Variants in SP100 observed in about 807,000 individuals in gnomAD.
SP100 encodes nuclear autoantigen Sp-100.
A neutral mutation model predicts 130.0 loss-of-function variants in SP100; 84 were observed. The ratio of observed to expected loss-of-function variants is 0.65; its 90% CI spans 0.54 to 0.77. The LOEUF (loss-of-function observed/expected upper bound fraction) is 0.77. Ranked by LOEUF, SP100 falls within the 30% of genes least tolerant of loss-of-function variation. SP100 has a pLI of 0.00. For missense variants in SP100, 978 were observed against 1,052.2 expected (o/e 0.93, Z 0.97); for synonymous variants, 331 against 351.7 (o/e 0.94, Z 0.66).
In SP100 at chr2:230,468,817, C is replaced by CAAAA. The variant is rs10617635; in HGVS notation, c.1292-205_1292-202dup. 7.1e-3 allele frequency: 1,066 copies of CAAAA among 149,348 alleles called. 18 individuals carry two copies. Among genetic ancestry groups the CAAAA allele is most frequent in the South Asian group, 0.015 (111 of 7,556 alleles). The allele number at this position is 149,348 out of a possible 1,614,324, so 9.3% of individuals were successfully genotyped here. A position where few individuals can be genotyped will look rare whatever the true frequency, so the allele number is the denominator to read the frequency against. ...TGGCTGACAGAGTGAGACCCTGTCT[C>CAAAA]AAAAAAAAAAAAAAAAAAAAAAAAG... On this transcript the variant is annotated intron_variant, in intron 13 of 28. Transcript: ENST00000340126.
At chr2:230,482,883 C>G (rs943090386) in intron 17 of SP100, among the ~76,000 whole-genome samples, 100 of 152,196 alleles carry the variant, frequency 6.6e-4, no homozygotes, top group African/African-American at 2.4e-3. Context: ...GCCATTTTAT[C>G]ATTCTTATAA....
At chr2:230,422,794 T>A (rs2062807756) in intron 2 of SP100, among the ~76,000 whole-genome samples, 1 of 152,202 alleles carries the variant, frequency 6.6e-6, no homozygotes, top group Non-Finnish European at 1.5e-5. Context: ...ATGTGACCTT[T>A]CCTGGAATCC....
chr2:230,436,721 A>C (rs2063279352), intron 2 of SP100, among the ~76,000 whole-genome samples: 1 of 152,136 alleles, frequency 6.6e-6, no homozygotes, highest in African/African-American at 2.4e-5. Context: ...TCTAGTTCTT[A>C]TGAATTTTAT....
At chr2:230,504,875 T>A (rs1049169883) in intron 21 of SP100, among the ~76,000 whole-genome samples, 7 of 152,194 alleles carry the variant, frequency 4.6e-5, no homozygotes, top group African/African-American at 1.7e-4. Context: ...TTACACAACA[T>A]TTTAACAAGA....
Position 230,540,917 on chromosome 2 carries a change from A to G in SP100, c.2252A>G (p.Gln751Arg). ...ATCTTCTGCAGGATAAAGACTATTC[A>G]GGAAAGATGCCCAGAAAGCCAATCA... ...SCIFCRIKTI[Q>R]ERCPESQSGH... The change falls in exon 26 of 29, where the codon CAG becomes CGG. Residue 751 changes from glutamine to arginine, a missense_variant. Transcript: ENST00000340126. 14 of 1,613,808 alleles carry G rather than the reference A, an allele frequency of 8.7e-6. No homozygotes were observed. The highest frequency in any genetic ancestry group is 1.2e-5 in the Non-Finnish European group (14 of 1,179,744).
intron 5 of SP100, among the ~76,000 whole-genome samples, chr2:230,448,521 CT>C (rs1212287808): frequency 6.6e-6 from 1 of 152,130 alleles, no homozygotes; most frequent in African/African-American, 2.4e-5. Context: ...ATTCCTAACC[CT>C]GTGCTATCCA....
intron 2 of SP100, among the ~76,000 whole-genome samples, chr2:230,421,504 C>CATATATAT (rs55963279): frequency 0.083 from 12,168 of 146,062 alleles, 545 homozygotes; most frequent in Non-Finnish European, 0.095. Context: ...AGAAGATATA[C>CATATATAT]ATATATATAT....
chr2:230,515,840 C>T (rs778408116), intron 24 of SP100: 5 of 1,381,116 alleles, frequency 3.6e-6, no homozygotes, highest in Middle Eastern at 5.5e-4. Context: ...TAGCCACTAA[C>T]CTTTGCCTGG....
intron 10 of SP100, among the ~76,000 whole-genome samples, chr2:230,462,933 G>C (rs1472529125): frequency 6.6e-6 from 1 of 152,126 alleles, no homozygotes; most frequent in Non-Finnish European, 1.5e-5. Context: ...CACAAACTTT[G>C]AATAGGGTCA....
Position 230,450,226 on chromosome 2 carries a change from T to A in SP100, c.791T>A (p.Met264Lys), listed in dbSNP as rs749027204. 1.2e-6 allele frequency: 2 copies of A among 1,613,738 alleles called. No homozygotes were observed. The highest frequency in any genetic ancestry group is 2.2e-5 in the South Asian group (2 of 91,052). The change falls in exon 8 of 29, where the codon ATG (methionine) becomes AAG (lysine). Residue 264 changes from methionine to lysine, a missense_variant. Transcript: ENST00000340126. ...AATAATGGGGATGCTGGAAGGGAGA[T>A]GCCCTGCCCGTTGCCCTGTGATGAA... ...QVNNGDAGRE[M>K]PCPLPCDEES...
chr2:230,510,970 A>T, intron 23 of SP100, 155 bp from the exon 24 acceptor site: 1 of 669,402 alleles, frequency 1.5e-6, no homozygotes. Context: ...GTGCTTTTTT[A>T]TTCTTCAGTT....
intron 4 of SP100, 23 bp downstream of exon 4, chr2:230,444,369 T>G: frequency 6.3e-7 from 1 of 1,595,824 alleles, no homozygotes; most frequent in Non-Finnish European, 8.6e-7. Context: ...ATTATCTACC[T>G]TTTTATTTCC....
At chr2:230,515,779 T>G in intron 24 of SP100, 1 of 1,488,512 alleles carries the variant, frequency 6.7e-7, no homozygotes, top group Non-Finnish European at 8.8e-7. Context: ...TTTTTTTGTA[T>G]AGTTAACCAC....
chr2:230,503,517 T>A (rs1457743416), intron 20 of SP100, among the ~76,000 whole-genome samples: 2 of 152,220 alleles, frequency 1.3e-5, no homozygotes, highest in Non-Finnish European at 2.9e-5. Flanking sequence ...TTGAGATGTA[T>A]AATCAATTCA....
At chr2:230,529,372 C>A (rs1344363966) in intron 24 of SP100, among the ~76,000 whole-genome samples, 1 of 152,178 alleles carries the variant, frequency 6.6e-6, no homozygotes, top group Non-Finnish European at 1.5e-5. Context: ...TGACAAAATT[C>A]AACGCCTTTC....
At chr2:230,416,960 A>T in intron 1 of SP100, 1 of 898,916 alleles carries the variant, frequency 1.1e-6, no homozygotes, top group East Asian at 1.2e-4. Flanking sequence ...CAGAAAAGAG[A>T]AGGAAATCCT....
chr2:230,420,905 T>C (rs899580718), intron 2 of SP100, among the ~76,000 whole-genome samples: 3 of 152,246 alleles, frequency 2.0e-5, no homozygotes, highest in Non-Finnish European at 4.4e-5. Context: ...TACAGCTCTT[T>C]GTAATTTTTC....
rs189208853 is a variant in SP100, at chr2:230,482,155, G to T, written c.1600+7708G>T. 2.8e-3 allele frequency among the ~76,000 whole-genome samples: 430 copies of T among 152,106 alleles called. 3 individuals carry two copies. The highest frequency in any genetic ancestry group is 0.01 in the African/African-American group (423 of 41,488). On this transcript the variant is annotated intron_variant, in intron 17 of 28. Coordinates refer to ENST00000340126, the MANE Select transcript of SP100 (RefSeq NM_001080391.2). ...TATTTTATCCTTGTGTAATTGGTCT[G>T]TTTTATCATTTATAATTATTTTTTT...
intron 23 of SP100, chr2:230,509,212 A>G (rs1038852979): frequency 2.6e-5 from 4 of 152,196 alleles, no homozygotes; most frequent in Admixed American, 6.5e-5. Context: ...TGGTGAGATC[A>G]CTGATGCCTT....
Sources: gnomAD v4.1 joint callset for allele counts (sites outside exome capture counted in the v4.1 genomes callset) on GRCh38, gnomAD v4.1.1 for gene constraint, MANE v1.5 for transcripts, NCBI Gene and HGNC (gene_info 2026-07-23, HGNC 2026-07-21) for gene names.